Variants in GPAT3 observed in about 807,000 individuals in gnomAD.
The protein encoded by GPAT3 is 1-AGP acyltransferase 9.
In GPAT3, 53 loss-of-function variants were observed where a neutral mutation model predicts 58.8. The ratio of observed to expected loss-of-function variants is 0.90; its 90% CI spans 0.72 to 1.13. The LOEUF (loss-of-function observed/expected upper bound fraction) is 1.13. Ranked by LOEUF, GPAT3 falls within the 50% of genes most tolerant of loss-of-function variation. GPAT3 has a pLI of 0.00. For synonymous variants in GPAT3, 197 were observed against 187.4 expected (o/e 1.05, Z -0.42); for missense variants, 511 against 527.6 (o/e 0.97, Z 0.31).
At chr4:83,568,831 C>T (rs1188121641) in intron 2 of GPAT3, among the ~76,000 whole-genome samples, 1 of 152,114 alleles carries the variant, frequency 6.6e-6, no homozygotes, top group Non-Finnish European at 1.5e-5. Context: ...ATTTGTCATC[C>T]TCTTCAATTC....
At chr4:83,537,848 T>C (rs115800163) in intron 1 of GPAT3, among the ~76,000 whole-genome samples, 1,617 of 152,200 alleles carry the variant, frequency 0.011, 31 homozygotes, top group African/African-American at 0.037. Context: ...GGTACCAAAA[T>C]TGTAGCTCTG....
chr4:83,561,262 A>AT (rs967010492), intron 2 of GPAT3, among the ~76,000 whole-genome samples: 1 of 152,168 alleles, frequency 6.6e-6, no homozygotes, highest in Non-Finnish European at 1.5e-5. Context: ...ACAAAACAGA[A>AT]TTTTTTTAAA....
intron 2 of GPAT3, among the ~76,000 whole-genome samples, chr4:83,577,894 G>T (rs1462465796): frequency 2.8e-5 from 4 of 144,278 alleles, no homozygotes; most frequent in African/African-American, 1.0e-4. Context: ...TCACCTCCCG[G>T]ATTCAAGTGA....
chr4:83,549,559 G>A (rs1201712983), intron 2 of GPAT3, among the ~76,000 whole-genome samples: 1 of 149,400 alleles, frequency 6.7e-6, no homozygotes, highest in Non-Finnish European at 1.5e-5. Context: ...TTAAGACAGG[G>A]TCTCACTCTA....
At chr4:83,588,374 T>A (rs1276450078) in intron 5 of GPAT3, 75 bp downstream of exon 5, 1 of 1,446,042 alleles carries the variant, frequency 6.9e-7, no homozygotes. Context: ...GCATTGGAAG[T>A]GGTTGGGAAG....
At position 83,536,444 on chromosome 4, in the gene GPAT3, G is replaced by A. The variant is rs1724086730; in HGVS notation, c.-179G>A. The A allele has an allele frequency of 1.3e-5, 19 of 1,411,808 alleles. No homozygotes were observed. Among genetic ancestry groups the A allele is most frequent in the East Asian group, 2.6e-5 (1 of 38,862 alleles). The allele number at this position is 1,411,808 out of a possible 1,614,324, so 87.5% of individuals were successfully genotyped here. ...GCAGGGGCGAGGAGGAGCCCAGGGA[G>A]GAAGGAAGGATATTGCCGTAATTCT... On this transcript the variant is annotated 5_prime_UTR_variant, in exon 1 of 12. Coordinates refer to ENST00000264409, the MANE Select transcript of GPAT3 (RefSeq NM_032717.5).
chr4:83,541,393 CTTTTTTT>C (rs777665390), intron 1 of GPAT3, among the ~76,000 whole-genome samples: 1 of 113,690 alleles, frequency 8.8e-6, no homozygotes, highest in African/African-American at 3.5e-5. Context: ...AATTTAAAAC[CTTTTTTT>C]TTTTTTTTTT....
chr4:83,596,998 G>A, intron 8 of GPAT3, 85 bp downstream of exon 8: 1 of 1,239,310 alleles, frequency 8.1e-7, no homozygotes, highest in East Asian at 2.4e-5. Context: ...CATAGAATTG[G>A]CAACCTTAGC....
At chr4:83,564,940 G>A (rs1725327967) in intron 2 of GPAT3, among the ~76,000 whole-genome samples, 1 of 149,656 alleles carries the variant, frequency 6.7e-6, no homozygotes. Flanking sequence ...TACTTTTATG[G>A]TTTTATTTTT....
At chr4:83,562,180 TA>T (rs1725151283) in intron 2 of GPAT3, among the ~76,000 whole-genome samples, 4 of 28,652 alleles carry the variant, frequency 1.4e-4, no homozygotes, top group Admixed American at 3.9e-4. Context: ...TTTTATATAT[TA>T]TATATATATA....
intron 2 of GPAT3, among the ~76,000 whole-genome samples, chr4:83,570,197 T>C (rs1725550700): frequency 6.6e-6 from 1 of 152,188 alleles, no homozygotes; most frequent in South Asian, 2.1e-4. Context: ...CCTGTCTCAG[T>C]TCCTTCTTCT....
chr4:83,604,711 G>C lies in GPAT3; in HGVS notation c.1249G>C (p.Glu417Gln). Residue 417 changes from glutamate to glutamine, a missense_variant, in exon 12 of 12, where the codon GAA (glutamate) becomes CAA (glutamine). By Grantham distance (29) the Glu-to-Gln change is conservative. Transcript: ENST00000264409. ...KRAKVKDIFK[E>Q]EQQKNYSKMI... The stretch of plus-strand genomic sequence containing the variant: ...AGCAAAGGTGAAGGACATCTTTAAG[G>C]AAGAGCAGCAGAAAAATTACAGCAA... 6.2e-7 allele frequency: 1 copy of C among 1,614,016 alleles called. No homozygotes were observed. The highest frequency in any genetic ancestry group is 2.2e-5 in the East Asian group (1 of 44,858).
chr4:83,582,786 GT>G lies in GPAT3; in HGVS notation c.479+963del, dbSNP rs148147038. ...AAATTATTTCTGGGTTGTTGTTGTT[GT>G]TTTTTTTTGCCCATATTGCTAGTTC... On this transcript the variant is annotated intron_variant, in intron 3 of 11. Transcript: ENST00000264409. Among the ~76,000 whole-genome samples, 504 of 150,654 alleles carry G rather than the reference GT, an allele frequency of 3.3e-3. 2 individuals are homozygous for G. Among genetic ancestry groups the G allele is most frequent in the Middle Eastern group, 0.01 (3 of 294 alleles).
Position 83,558,781 on chromosome 4 carries a change from T to G in GPAT3, c.208+14179T>G, listed in dbSNP as rs1725027604. ...TGTAAAAGCGTAGATAAACCCAGGTTAACTGTTCATATTAAGGGTGGCAAA... is the reference window on the plus strand; with the variant it reads ...TGTAAAAGCGTAGATAAACCCAGGTGAACTGTTCATATTAAGGGTGGCAAA... On this transcript the variant is annotated intron_variant, in intron 2 of 11. Coordinates refer to ENST00000264409, the MANE Select transcript of GPAT3 (RefSeq NM_032717.5). Among the ~76,000 whole-genome samples, 3 of 152,322 alleles carry G rather than the reference T, an allele frequency of 2.0e-5. No homozygotes were observed. In the South Asian group the frequency reaches 6.2e-4, roughly 32 times the overall value.
chr4:83,598,877 C>T (rs62303974), intron 11 of GPAT3, among the ~76,000 whole-genome samples, 154 bp downstream of exon 11: 33,434 of 146,718 alleles, frequency 0.23, 4,622 homozygotes, highest in South Asian at 0.35. Context: ...GTAGCCTTGA[C>T]CGCCTGGGCT....
chr4:83,588,294 T>C lies in GPAT3; in HGVS notation c.639T>C (p.His213=), dbSNP rs1402188871. 1 of 1,569,756 alleles carries C rather than the reference T, an allele frequency of 6.4e-7. No individual in the cohort carries two copies. The highest frequency in any genetic ancestry group is 8.6e-7 in the Non-Finnish European group (1 of 1,165,476). Residue 213 remains histidine (H), a synonymous_variant, in exon 5 of 12, where the codon CAT becomes CAC. Coordinates refer to ENST00000264409, the MANE Select transcript of GPAT3 (RefSeq NM_032717.5). ...VRALSGTIHY[H]NKQYRPQKGG... is the part of the protein sequence containing the mutation. ...CCCTCTCTGGTACCATTCATTATCA[T>C]AACAAGTGAGTATCTGCTCCAATGT...
At chr4:83,603,916 A>G (rs944116150) in intron 11 of GPAT3, among the ~76,000 whole-genome samples, 1 of 152,100 alleles carries the variant, frequency 6.6e-6, no homozygotes, top group African/African-American at 2.4e-5. Context: ...CATATACAGT[A>G]CCCTTACCAT....
chr4:83,551,783 C>A (rs1263935156), intron 2 of GPAT3, among the ~76,000 whole-genome samples: 6 of 98,972 alleles, frequency 6.1e-5, no homozygotes, highest in Admixed American at 3.9e-4. Context: ...CAGAGTGAGA[C>A]TCCATCTCGG....
At chr4:83,577,498 T>C (rs1725862821) in intron 2 of GPAT3, among the ~76,000 whole-genome samples, 1 of 152,214 alleles carries the variant, frequency 6.6e-6, no homozygotes, top group Admixed American at 6.5e-5. Context: ...CTACATATTC[T>C]AAGTGGCTCA....
Sources: gnomAD v4.1 joint callset for allele counts (sites outside exome capture counted in the v4.1 genomes callset) on GRCh38, gnomAD v4.1.1 for gene constraint, MANE v1.5 for transcripts, NCBI Gene and HGNC (gene_info 2026-07-23, HGNC 2026-07-21) for gene names.